PTGFRN: variants seen among roughly 807,000 people sequenced by gnomAD.
PTGFRN encodes the protein prostaglandin F2 receptor negative regulator.
In PTGFRN, 35 loss-of-function variants were observed where a neutral mutation model predicts 83.2. The observed-to-expected ratio is 0.42, with a 90% confidence interval of 0.32 to 0.56. The LOEUF is 0.56. Among genes scored for constraint, PTGFRN ranks in the 20% least tolerant of loss-of-function variants. The pLI is 0.11. For synonymous variants in PTGFRN, 519 were observed against 498.6 expected (o/e 1.04, Z -0.55); for missense variants, 1,051 against 1,179.5 (o/e 0.89, Z 1.60).
At chr1:116,927,021 A>T (rs1321564265) in intron 1 of PTGFRN, among the ~76,000 whole-genome samples, 1 of 152,174 alleles carries the variant, frequency 6.6e-6, no homozygotes, top group Admixed American at 6.5e-5. Flanking sequence ...TAGCCCCGAG[A>T]TTGCAGCCAA....
intron 3 of PTGFRN, among the ~76,000 whole-genome samples, chr1:116,947,175 A>C (rs1393789894): frequency 1.3e-5 from 2 of 152,216 alleles, no homozygotes; most frequent in African/African-American, 4.8e-5. Context: ...TGCACTATCC[A>C]TAGCTGGCTG....
At chr1:116,956,462 A>G (rs1320659623) in intron 4 of PTGFRN, among the ~76,000 whole-genome samples, 1 of 152,238 alleles carries the variant, frequency 6.6e-6, no homozygotes, top group African/African-American at 2.4e-5. Context: ...GATTGATTTC[A>G]GGGTGGAGAA....
chr1:116,925,368 A>G (rs1649630867), intron 1 of PTGFRN, among the ~76,000 whole-genome samples: 1 of 152,108 alleles, frequency 6.6e-6, no homozygotes, highest in African/African-American at 2.4e-5. Context: ...CAGAGGTTGC[A>G]GTGAGCTGAG....
At chr1:116,962,981 A>G (rs1001580323) in intron 5 of PTGFRN, among the ~76,000 whole-genome samples, 3 of 152,098 alleles carry the variant, frequency 2.0e-5, no homozygotes, top group East Asian at 3.9e-4. Flanking sequence ...GTCACCTACT[A>G]TTACCTAGCC....
intron 1 of PTGFRN, among the ~76,000 whole-genome samples, chr1:116,924,019 C>T (rs1002804287): frequency 1.3e-5 from 2 of 151,826 alleles, no homozygotes; most frequent in African/African-American, 4.8e-5. Context: ...ACAAACTGAA[C>T]ATTAAAGAAA....
intron 4 of PTGFRN, among the ~76,000 whole-genome samples, chr1:116,955,368 A>G (rs1464255280): frequency 1.3e-5 from 2 of 152,320 alleles, no homozygotes; most frequent in African/African-American, 2.4e-5. Flanking sequence ...GAAATTTACA[A>G]ATATTCACAG....
rs200214889 is a variant in PTGFRN at position 116,949,485 on chromosome 1, T to G, written c.1126T>G (p.Ser376Ala). The change falls in exon 4 of 9, where the codon TCC becomes GCC. Residue 376 changes from serine to alanine, a missense_variant. Transcript: ENST00000393203. ...ENSGYYYCHVSLWAPGHNRSW... is the reference protein window; with the variant it reads ...ENSGYYYCHVALWAPGHNRSW... ...CTCTGGCTACTATTACTGCCACGTG[T>G]CCCTGTGGGCACCCGGACACAACAG... The G allele has an allele frequency of 6.4e-5, 104 of 1,614,252 alleles. 1 individual carries two copies. In the East Asian group the frequency reaches 2.3e-3, roughly 36 times the overall value.
intron 7 of PTGFRN, among the ~76,000 whole-genome samples, chr1:116,976,557 G>A (rs1024739250): frequency 7.9e-5 from 12 of 152,170 alleles, no homozygotes; most frequent in Admixed American, 1.3e-4. Context: ...GAAGAGAGTC[G>A]GGGCCAATAT....
intron 1 of PTGFRN, among the ~76,000 whole-genome samples, chr1:116,934,009 C>T (rs1418959004): frequency 6.6e-6 from 1 of 152,184 alleles, no homozygotes; most frequent in Non-Finnish European, 1.5e-5. Flanking sequence ...TCCTTCTGGG[C>T]CTCTGTGACA....
intron 1 of PTGFRN, among the ~76,000 whole-genome samples, chr1:116,929,314 G>A (rs1170019850): frequency 1.3e-5 from 2 of 152,144 alleles, no homozygotes; most frequent in Non-Finnish European, 2.9e-5. Context: ...GCTTTTGCTT[G>A]GTCTACAGAA....
At chr1:116,930,815 C>G (rs1299442333) in intron 1 of PTGFRN, among the ~76,000 whole-genome samples, 1 of 148,964 alleles carries the variant, frequency 6.7e-6, no homozygotes, top group African/African-American at 2.6e-5. Context: ...CACTACCTGC[C>G]TGTGTCCCCC....
intron 1 of PTGFRN, among the ~76,000 whole-genome samples, chr1:116,910,483 C>G (rs1248643047): frequency 1.3e-5 from 2 of 151,646 alleles, no homozygotes; most frequent in African/African-American, 4.8e-5. Context: ...AGTGGCCGCT[C>G]CGCCAGGCCG....
Position 116,941,490 on chromosome 1 carries a change from G to C in PTGFRN, c.50-225G>C, listed in dbSNP as rs937041329. ...TTTAATGCTTATCTTCCTCCCTGTT[G>C]GTCCTGGGAAACTGGTTGTGTGAGA... On this transcript the variant is annotated intron_variant, in intron 1 of 8. Coordinates refer to ENST00000393203, the MANE Select transcript of PTGFRN (RefSeq NM_020440.4). The surrounding 1 kb of genome is among the most constrained non-coding windows in gnomAD (Gnocchi z 5.0). Among the ~76,000 whole-genome samples, 1 of 152,172 alleles carries C rather than the reference G, an allele frequency of 6.6e-6. No homozygotes were observed. Among genetic ancestry groups the C allele is most frequent in the Non-Finnish European group, 1.5e-5 (1 of 68,032 alleles).
At chr1:116,956,763 A>G (rs1265409814) in intron 4 of PTGFRN, among the ~76,000 whole-genome samples, 105 of 152,346 alleles carry the variant, frequency 6.9e-4, no homozygotes, top group East Asian at 3.9e-4. Context: ...CATGTCAGTC[A>G]TGTCAAGTGG....
Position 116,944,970 on chromosome 1 carries a change from C to T in PTGFRN, c.710C>T (p.Ala237Val). ...SDAYRLSVSR[A>V]LSADQGSYRC... Reference sequence around the variant, plus strand: ...GCCTACCGCCTCTCAGTGTCCCGGGCTCTGTCTGCCGACCAGGGCTCCTAC... The same window carrying T: ...GCCTACCGCCTCTCAGTGTCCCGGGTTCTGTCTGCCGACCAGGGCTCCTAC... Residue 237 changes from alanine to valine, a missense_variant, in exon 3 of 9, where the codon GCT becomes GTT. By Grantham distance (64) the Ala-to-Val change is moderately conservative. This residue lies in a region of PTGFRN where 205 missense variants were observed against 174.5 expected (regional missense o/e 1.17). Transcript: ENST00000393203. 1 of 1,613,794 alleles carries T rather than the reference C, an allele frequency of 6.2e-7. No individual in the cohort carries two copies. Among genetic ancestry groups the T allele is most frequent in the Non-Finnish European group, 8.5e-7 (1 of 1,180,038 alleles).
At chr1:116,910,307 G>A (rs1649233407) in intron 1 of PTGFRN, 55 bp downstream of exon 1, 2 of 1,262,468 alleles carry the variant, frequency 1.6e-6, no homozygotes, top group Non-Finnish European at 2.0e-6. Flanking sequence ...GCCCTGGAGG[G>A]CTCGGCGGGG....
rs1264153294 is a variant in PTGFRN, at chr1:116,923,249, A to G, written c.49+12997A>G. Among the ~76,000 whole-genome samples the G allele has an allele frequency of 3.3e-5, 5 of 152,198 alleles. No homozygotes were observed. Among genetic ancestry groups the G allele is most frequent in the African/African-American group, 7.2e-5 (3 of 41,448 alleles). The stretch of plus-strand genomic sequence containing the variant: ...AATGCCTATAAGGTGTGTATATTAT[A>G]TATATTTAAAATTGTGGACGTTAAG... On this transcript the variant is annotated intron_variant, in intron 1 of 8. Coordinates refer to ENST00000393203, the MANE Select transcript of PTGFRN (RefSeq NM_020440.4). This position sits in a 1 kb window ranked among gnomAD's most constrained non-coding sequence, Gnocchi z 4.0.
intron 1 of PTGFRN, among the ~76,000 whole-genome samples, chr1:116,912,764 C>G (rs1400714153): frequency 6.6e-6 from 1 of 152,222 alleles, no homozygotes. Flanking sequence ...CCCCTCTGGT[C>G]TTCTCTGGCT....
intron 1 of PTGFRN, among the ~76,000 whole-genome samples, chr1:116,917,278 G>A (rs1472315701): frequency 6.6e-6 from 1 of 151,444 alleles, no homozygotes; most frequent in Non-Finnish European, 1.5e-5. Context: ...GAGGGTAGTG[G>A]CTCAGGGCAC....
Sources: allele counts gnomAD v4.1 joint callset (sites outside exome capture counted in the v4.1 genomes callset), GRCh38; gene constraint gnomAD v4.1.1; regional missense constraint gnomAD v4.1.1; non-coding constraint Gnocchi (gnomAD v3.1); transcripts MANE v1.5; gene names NCBI Gene and HGNC (gene_info 2026-07-23, HGNC 2026-07-21).